PFKFB3: variants seen among roughly 807,000 people sequenced by gnomAD.
The protein encoded by PFKFB3 is 6-phosphofructo-2-kinase/fructose-2,6-bisphosphatase 3.
PFKFB3 carries 33 observed loss-of-function variants against 68.0 expected under a neutral mutation model. The observed-to-expected ratio is 0.49, with a 90% CI of 0.37 to 0.65. The LOEUF (loss-of-function observed/expected upper bound fraction) is 0.65, where lower values mean the gene tolerates loss of function less well. PFKFB3 is among the 30% of genes least tolerant of loss of function. The pLI is 0.00. For synonymous variants in PFKFB3, 315 were observed against 288.2 expected, an observed-to-expected ratio of 1.09 and a Z score of -0.94; for missense variants, 586 against 712.2, an observed-to-expected ratio of 0.82 and a Z score of 2.02.
chr10:6,265,652 A>G, the PFKFB3 span, among the ~76,000 whole-genome samples: 7 of 152,268 alleles, frequency 4.6e-5, no homozygotes, highest in African/African-American at 1.7e-4. Context: ...TTTCCACCGT[A>G]TATTTACTAT....
At chr10:6,242,310 T>G (rs1050975766) in intron 14 of PFKFB3, among the ~76,000 whole-genome samples, 1 of 152,224 alleles carries the variant, frequency 6.6e-6, no homozygotes, top group Non-Finnish European at 1.5e-5. Context: ...GTCTCTGAAC[T>G]AAGTCTCTGC....
intron 1 of PFKFB3, among the ~76,000 whole-genome samples, chr10:6,181,056 T>C (rs568010602): frequency 9.9e-4 from 150 of 152,184 alleles, no homozygotes; most frequent in Non-Finnish European, 1.8e-3. Flanking sequence ...GCTCTGTCGC[T>C]CAGGCTGGAG....
intron 1 of PFKFB3, among the ~76,000 whole-genome samples, chr10:6,184,384 A>T (rs1842813721): frequency 6.6e-6 from 1 of 152,012 alleles, no homozygotes; most frequent in Admixed American, 6.6e-5. Context: ...GCACCCCCAA[A>T]AGCCCCATCC....
the PFKFB3 span, among the ~76,000 whole-genome samples, chr10:6,292,278 C>CTTTTTTTTTT: frequency 3.1e-4 from 17 of 54,306 alleles, no homozygotes; most frequent in Non-Finnish European, 4.3e-4. Flanking sequence ...TTTTTTTTTT[C>CTTTTTTTTTT]TTTTTTTTTT....
chr10:6,273,606 C>T, the PFKFB3 span, among the ~76,000 whole-genome samples: 6 of 152,172 alleles, frequency 3.9e-5, no homozygotes, highest in Non-Finnish European at 8.8e-5. Context: ...AAAAACAGCA[C>T]GTTGGAGTCC....
rs571465508 is a variant in PFKFB3, at chr10:6,219,796, T to C, written c.623+103T>C. Reference sequence around the variant, plus strand: ...TTGCTCCTGGATACCTTTAAAAAAATTTTTTTAAGACAGTTTTTTTTGTAG... The same window carrying C: ...TTGCTCCTGGATACCTTTAAAAAAACTTTTTTAAGACAGTTTTTTTTGTAG... On this transcript the variant is annotated intron_variant, in intron 7 of 14. Transcript: ENST00000379775. 1.8e-5 allele frequency: 23 copies of C among 1,314,112 alleles called. No homozygotes were observed. In the African/African-American group the frequency reaches 3.1e-4, roughly 18 times the overall value. The allele number at this position is 1,314,112 out of a possible 1,614,324, so 81.4% of individuals were successfully genotyped here. A position where few individuals can be genotyped will look rare whatever the true frequency, so the allele number is the denominator to read the frequency against.
At chr10:6,242,584 C>G (rs980058905) in intron 14 of PFKFB3, among the ~76,000 whole-genome samples, 4 of 138,796 alleles carry the variant, frequency 2.9e-5, no homozygotes, top group Admixed American at 8.0e-5. Context: ...AAGCAGTGTT[C>G]TGTAAACATT....
intron 14 of PFKFB3, among the ~76,000 whole-genome samples, chr10:6,251,614 TAGG>T (rs993880417): frequency 6.6e-6 from 1 of 152,064 alleles, no homozygotes; most frequent in African/African-American, 2.4e-5. Context: ...AAGTTAAATT[TAGG>T]AGAACAGGGA....
chr10:6,250,716 G>A (rs1011969184), intron 14 of PFKFB3, among the ~76,000 whole-genome samples: 8 of 152,116 alleles, frequency 5.3e-5, no homozygotes, highest in African/African-American at 1.9e-4. Context: ...TGTGATCTGA[G>A]GACACAGCAG....
At chr10:6,187,408 G>A (rs1046557507) in intron 1 of PFKFB3, among the ~76,000 whole-genome samples, 2 of 152,052 alleles carry the variant, frequency 1.3e-5, no homozygotes, top group African/African-American at 2.4e-5. Flanking sequence ...ATCTCACTTC[G>A]CCTTACTGCC....
chr10:6,198,640 A>G (rs569416466), upstream of PFKFB3, among the ~76,000 whole-genome samples: 1 of 152,174 alleles, frequency 6.6e-6, no homozygotes, highest in South Asian at 2.1e-4. Flanking sequence ...GTACCACCAC[A>G]CCCAGCTAAT....
downstream of PFKFB3, among the ~76,000 whole-genome samples, chr10:6,237,468 T>G (rs1846040458): frequency 6.6e-6 from 1 of 152,256 alleles, no homozygotes; most frequent in African/African-American, 2.4e-5. Flanking sequence ...TGAGCAAAGA[T>G]GTCGTTGAAA....
intron 1 of PFKFB3, among the ~76,000 whole-genome samples, chr10:6,208,371 C>CTTTTTTTTTTTTTTTTTTTTTTTTTT (rs35447462): frequency 1.6e-5 from 1 of 60,626 alleles, no homozygotes; most frequent in South Asian, 7.9e-4. Context: ...GGTACCTGGC[C>CTTTTTTTTTTTTTTTTTTTTTTTTTT]TTTTTTTTTT....
upstream of PFKFB3, among the ~76,000 whole-genome samples, chr10:6,198,436 A>C (rs1299443308): frequency 6.6e-6 from 1 of 152,158 alleles, no homozygotes; most frequent in African/African-American, 2.4e-5. Flanking sequence ...CCACTTAATG[A>C]GACACTAAGT....
intron 1 of PFKFB3, 63 bp downstream of exon 1, chr10:6,203,399 G>A (rs1843468447): frequency 1.5e-6 from 2 of 1,365,564 alleles, no homozygotes; most frequent in African/African-American, 3.0e-5. Context: ...CCATTGTGTG[G>A]GGCGGCTTTG....
At chr10:6,297,606 A>C in the PFKFB3 span, among the ~76,000 whole-genome samples, 617 of 152,274 alleles carry the variant, frequency 4.1e-3, 4 homozygotes, top group African/African-American at 0.014. Context: ...TAGGAGCAAG[A>C]TGTCCCCATG....
the PFKFB3 span, among the ~76,000 whole-genome samples, chr10:6,278,206 G>C: frequency 6.6e-6 from 1 of 152,064 alleles, no homozygotes; most frequent in South Asian, 2.1e-4. Context: ...GTGAGCCGCA[G>C]TGCCCGGCTA....
chr10:6,219,530 C>T, intron 6 of PFKFB3, 39 bp from the exon 7 acceptor site: 1 of 1,613,130 alleles, frequency 6.2e-7, no homozygotes. Context: ...AGAAAGCCTT[C>T]CAGCGTGATT....
intron 1 of PFKFB3, among the ~76,000 whole-genome samples, chr10:6,165,557 G>A (rs1842107870): frequency 1.3e-5 from 2 of 152,154 alleles, no homozygotes; most frequent in Admixed American, 1.3e-4. Flanking sequence ...AGAGCCGGCA[G>A]GGATGAACAT....
Sources: gnomAD v4.1 joint callset for allele counts (sites outside exome capture counted in the v4.1 genomes callset) on GRCh38, gnomAD v4.1.1 for gene constraint, MANE v1.5 for transcripts, NCBI Gene and HGNC (gene_info 2026-07-23, HGNC 2026-07-21) for gene names.